The following POF1B variants were observed in gnomAD, a reference collection of about 807,000 sequenced individuals.
POF1B encodes the protein POF1B actin binding protein, also known as protein POF1B.
Under a neutral mutation model 55.3 loss-of-function variants are expected in POF1B, and 53 were observed. The ratio of observed to expected loss-of-function variants is 0.96; its 90% CI spans 0.77 to 1.20. The LOEUF is 1.20. POF1B is among the 50% of genes most tolerant of loss of function. POF1B has a pLI of 0.00. For missense variants in POF1B, 478 were observed against 420.5 expected (o/e 1.14, Z -1.20); for synonymous variants, 188 against 148.3 (o/e 1.27, Z -1.95).
At chrX:85,356,191 C>G (rs867015219) in intron 4 of POF1B, among the ~76,000 whole-genome samples, 29 of 109,670 alleles carry the variant, frequency 2.6e-4, no homozygotes, top group African/African-American at 9.3e-4. Context: ...CCATCATTCT[C>G]AGTAAACTAT....
At chrX:85,341,783 G>A (rs1035164208) in intron 6 of POF1B, among the ~76,000 whole-genome samples, 2 of 110,819 alleles carry the variant, frequency 1.8e-5, no homozygotes, top group East Asian at 2.9e-4. Context: ...ATTATAGTGA[G>A]CTTCACAGAG....
chrX:85,361,954 T>TGG (rs1933629396), intron 3 of POF1B, among the ~76,000 whole-genome samples: 1 of 97,284 alleles, frequency 1.0e-5, no homozygotes. Context: ...CCTAGGTATT[T>TGG]CGTGTGTGTG....
chrX:85,338,086 C>T (rs957931508), intron 6 of POF1B, among the ~76,000 whole-genome samples: 4 of 111,257 alleles, frequency 3.6e-5, no homozygotes, highest in African/African-American at 1.3e-4. Context: ...TAGTGCCCAG[C>T]ATGGTGCCTG....
At chrX:85,375,554 G>A (rs1253926277) in intron 2 of POF1B, among the ~76,000 whole-genome samples, 1 of 111,953 alleles carries the variant, frequency 8.9e-6, no homozygotes, top group Admixed American at 9.5e-5. Flanking sequence ...AGCTGAAAAT[G>A]CAACCCCTTT....
At chrX:85,332,003 C>G (rs953178328) in intron 6 of POF1B, among the ~76,000 whole-genome samples, 7 of 111,558 alleles carry the variant, frequency 6.3e-5, no homozygotes, top group African/African-American at 1.9e-4. Flanking sequence ...ATCCACTTAT[C>G]CATTGATGGA....
intron 9 of POF1B, among the ~76,000 whole-genome samples, chrX:85,312,650 A>T: frequency 9.0e-6 from 1 of 110,869 alleles, no homozygotes; most frequent in East Asian, 2.8e-4. Flanking sequence ...ATTGTCTTGG[A>T]TATATGGGCT....
intron 15 of POF1B, among the ~76,000 whole-genome samples, chrX:85,285,593 T>C (rs1221262392): frequency 1.1e-5 from 1 of 95,188 alleles, no homozygotes; most frequent in Non-Finnish European, 2.0e-5. Context: ...TAGGTGGGAA[T>C]TGAACAATGA....
intron 7 of POF1B, among the ~76,000 whole-genome samples, chrX:85,321,996 A>G (rs1932842897): frequency 9.0e-6 from 1 of 110,686 alleles, no homozygotes; most frequent in South Asian, 3.9e-4. Flanking sequence ...AAGAATCAAT[A>G]TCGTGAAAAT....
intron 7 of POF1B, among the ~76,000 whole-genome samples, chrX:85,316,626 A>C (rs760893340): frequency 9.0e-6 from 1 of 111,582 alleles, no homozygotes; most frequent in Admixed American, 9.5e-5. Context: ...AACAGTAAAC[A>C]TGGGTTCTGA....
At chrX:85,378,478 A>T (rs1295520818) in intron 2 of POF1B, among the ~76,000 whole-genome samples, 1 of 111,909 alleles carries the variant, frequency 8.9e-6, no homozygotes, top group African/African-American at 3.2e-5. Context: ...CTCTTAAGAA[A>T]CAAACGTATT....
chrX:85,318,756 T>G, intron 7 of POF1B, among the ~76,000 whole-genome samples: 1 of 111,869 alleles, frequency 8.9e-6, no homozygotes, highest in Non-Finnish European at 1.9e-5. Context: ...AATACCATGC[T>G]GTTTTGGTTA....
chrX:85,348,167 A>G (rs1303386375), intron 5 of POF1B, among the ~76,000 whole-genome samples: 1 of 111,134 alleles, frequency 9.0e-6, no homozygotes, highest in East Asian at 2.8e-4. Flanking sequence ...CTTGCAGTCT[A>G]CCTGAGCCCA....
intron 7 of POF1B, among the ~76,000 whole-genome samples, chrX:85,322,751 G>A (rs1402064700): frequency 2.2e-4 from 24 of 111,073 alleles, no homozygotes; most frequent in East Asian, 1.7e-3. Context: ...TTTACAAGAA[G>A]AAAACAAACA....
chrX:85,365,424 T>C (rs1933702891), intron 3 of POF1B, among the ~76,000 whole-genome samples: 1 of 111,767 alleles, frequency 8.9e-6, no homozygotes, highest in Non-Finnish European at 1.9e-5. Context: ...CTACAGTCAA[T>C]AGACTTCTTT....
intron 2 of POF1B, among the ~76,000 whole-genome samples, chrX:85,376,320 A>G (rs1186091990): frequency 9.0e-6 from 1 of 111,719 alleles, no homozygotes; most frequent in African/African-American, 3.2e-5. Context: ...TTTCATTTTG[A>G]GTTAATGATG....
chrX:85,313,655 G>A (rs1466627038), intron 9 of POF1B, among the ~76,000 whole-genome samples: 1 of 110,654 alleles, frequency 9.0e-6, no homozygotes, highest in Non-Finnish European at 1.9e-5. Flanking sequence ...TTCTGTCTCT[G>A]CCAGATTTTG....
At position 85,278,121 on chromosome X, in the gene POF1B, A is replaced by G. The variant is rs761719185; in HGVS notation, c.*1300T>C. On this transcript the variant is annotated 3_prime_UTR_variant, in exon 17 of 17. Coordinates refer to ENST00000262753, the MANE Select transcript of POF1B (RefSeq NM_024921.4). ...GGCTTTTAGCTTCATATCAAGACCT[A>G]TTTGAACACTTCTAGAAAAGAACAT... is the stretch of plus-strand genomic sequence containing the variant. 1.8e-5 allele frequency: 2 copies of G among 111,413 alleles called. No homozygotes were observed. The highest frequency in any genetic ancestry group is 7.4e-4 in the South Asian group (2 of 2,703). The allele number at this position is 111,413 out of a possible 1,213,427, so 9.2% of individuals were successfully genotyped here.
At chrX:85,304,811 T>G (rs1257902250) in intron 13 of POF1B, among the ~76,000 whole-genome samples, 1 of 111,648 alleles carries the variant, frequency 9.0e-6, no homozygotes, top group Non-Finnish European at 1.9e-5. Flanking sequence ...ACTACTATTA[T>G]ATTCTGATTT....
At position 85,339,275 on chromosome X, in the gene POF1B, A is replaced by C. The variant is rs1181314718; in HGVS notation, c.723+6585T>G. Among the ~76,000 whole-genome samples the C allele has an allele frequency of 3.6e-5, 4 of 110,352 alleles. No homozygotes were observed. In the East Asian group the frequency reaches 1.2e-3, roughly 32 times the overall value. ...CTCATGAGACTTACTCACTATCACA[A>C]GAATAGCATGGGAAAGACCTGTCCC... On this transcript the variant is annotated intron_variant, in intron 6 of 16. Transcript: ENST00000262753.
Sources: allele counts gnomAD v4.1 joint callset (sites outside exome capture counted in the v4.1 genomes callset), GRCh38; gene constraint gnomAD v4.1.1; transcripts MANE v1.5; gene names NCBI Gene and HGNC (gene_info 2026-07-23, HGNC 2026-07-21).